The following PHC1 variants were observed in gnomAD, a reference collection of about 807,000 sequenced individuals.
PHC1 encodes polyhomeotic homolog 1.
Under a neutral mutation model 104.3 loss-of-function variants are expected in PHC1, and 12 were observed. The observed-to-expected ratio is 0.12, with a 90% CI of 0.07 to 0.19. The LOEUF (loss-of-function observed/expected upper bound fraction) is 0.19. Ranked by LOEUF, PHC1 falls within the 10% of genes least tolerant of loss-of-function variation. PHC1 has a pLI of 1.00. For missense variants in PHC1, 671 were observed against 1,200.0 expected, an observed-to-expected ratio of 0.56 and a Z score of 6.51; for synonymous variants, 302 against 455.8, an observed-to-expected ratio of 0.66 and a Z score of 4.30.
rs776514414 is a variant in PHC1, at chr12:8,929,010, G to A, written c.613-1425G>A. ...TGCCACCATGAACATTCCTACACATGCCTCCTGTGGTACATGGCAAGAGTT... is the reference window on the plus strand; with the variant it reads ...TGCCACCATGAACATTCCTACACATACCTCCTGTGGTACATGGCAAGAGTT... On this transcript the variant is annotated intron_variant, in intron 6 of 14. Transcript: ENST00000544916. 6.6e-5 allele frequency among the ~76,000 whole-genome samples: 10 copies of A among 152,258 alleles called. No homozygotes were observed. The South Asian group carries it at 1.9e-3, about 28-fold the overall frequency.
intron 8 of PHC1, chr12:8,933,577 A>C (rs910351449): frequency 9.1e-6 from 6 of 658,230 alleles, no homozygotes; most frequent in Non-Finnish European, 1.5e-5. Context: ...AATAAGTTAG[A>C]TCAAGATAGC....
intron 6 of PHC1, among the ~76,000 whole-genome samples, chr12:8,926,926 AT>A (rs1945528968): frequency 6.6e-6 from 1 of 152,166 alleles, no homozygotes; most frequent in Admixed American, 6.5e-5. Flanking sequence ...AAAAAAAAAA[AT>A]GTTTGGGGAG....
upstream of PHC1, among the ~76,000 whole-genome samples, chr12:8,914,296 G>C (rs902989939): frequency 1.3e-5 from 2 of 151,986 alleles, no homozygotes; most frequent in Non-Finnish European, 2.9e-5. Context: ...GAGAAAGAAG[G>C]GGGTAAAAAA....
intron 1 of PHC1, 166 bp downstream of exon 1, chr12:8,914,993 G>A (rs1007274185): frequency 2.0e-5 from 3 of 153,262 alleles, no homozygotes; most frequent in African/African-American, 7.2e-5. Context: ...GGCTCTGCCT[G>A]TCCGAGTCTT....
intron 1 of PHC1, 135 bp from the exon 2 acceptor site, chr12:8,917,495 G>T: frequency 2.3e-6 from 1 of 438,976 alleles, no homozygotes. Flanking sequence ...GGAGTTTTAA[G>T]ATGAGAAATC....
chr12:8,931,991 G>A (rs1945698680), intron 7 of PHC1, among the ~76,000 whole-genome samples: 1 of 152,190 alleles, frequency 6.6e-6, no homozygotes. Context: ...AACTGAGTTA[G>A]GTCAGAGCTG....
At position 8,940,586 on chromosome 12, in the gene PHC1, G is replaced by A. The variant is rs1270670414; in HGVS notation, c.*1127G>A. 1.3e-5 allele frequency: 1 copy of A among 79,164 alleles called. No homozygotes were observed. The allele number at this position is 79,164 out of a possible 1,614,324, so 4.9% of individuals were successfully genotyped here. A position where few individuals can be genotyped will look rare whatever the true frequency, so the allele number is the denominator to read the frequency against. On this transcript the variant is annotated 3_prime_UTR_variant, in exon 15 of 15. Transcript: ENST00000544916. ...TTTTCTTTTCCTAAGGCTTATAAAAGGCCCCCTGCCTGTTGATTCCATCCC... is the reference window on the plus strand; with the variant it reads ...TTTTCTTTTCCTAAGGCTTATAAAAAGCCCCCTGCCTGTTGATTCCATCCC...
intron 6 of PHC1, among the ~76,000 whole-genome samples, chr12:8,927,175 A>G (rs1945538691): frequency 2.0e-5 from 3 of 152,234 alleles, no homozygotes; most frequent in Admixed American, 2.0e-4. Flanking sequence ...TTTCTAATGT[A>G]GAGAGAGAAA....
chr12:8,936,984 C>A lies in PHC1; in HGVS notation c.2477+20C>A. On this transcript the variant is annotated intron_variant, in intron 12 of 14. Coordinates refer to ENST00000544916, the MANE Select transcript of PHC1 (RefSeq NM_004426.3). Reference sequence around the variant, plus strand: ...TAAGAGGTACTCTGGGCACCCTCCTCCTTGCCCTCAGCACTGGTATCTCCA... The same window carrying A: ...TAAGAGGTACTCTGGGCACCCTCCTACTTGCCCTCAGCACTGGTATCTCCA... 6.5e-7 allele frequency: 1 copy of A among 1,548,900 alleles called. No homozygotes were observed. Among genetic ancestry groups the A allele is most frequent in the Non-Finnish European group, 8.9e-7 (1 of 1,121,430 alleles).
At chr12:8,923,948 T>C (rs1252203565) in intron 6 of PHC1, among the ~76,000 whole-genome samples, 5 of 152,028 alleles carry the variant, frequency 3.3e-5, no homozygotes, top group Non-Finnish European at 4.4e-5. Context: ...ACTTACATTG[T>C]ATTAGATATT....
Position 8,921,077 on chromosome 12 carries a change from C to G in PHC1, c.306+12C>G. On this transcript the variant is annotated intron_variant, in intron 4 of 14. Transcript: ENST00000544916. ...CCACCCAGGCCTCGGTGAGTACGCC[C>G]TCTCCCACTGAGAGGCTTCTCTACC... 1 of 1,595,566 alleles carries G rather than the reference C, an allele frequency of 6.3e-7. No homozygotes were observed. Among genetic ancestry groups the G allele is most frequent in the Non-Finnish European group, 8.6e-7 (1 of 1,169,506 alleles).
At chr12:8,936,785 T>G in intron 11 of PHC1, 71 bp from the exon 12 acceptor site, 1 of 962,854 alleles carries the variant, frequency 1.0e-6, no homozygotes, top group East Asian at 2.5e-5. Flanking sequence ...AGAATCCAGC[T>G]CTGAGCCTAA....
In PHC1 at chr12:8,934,395, C is replaced by T. The variant is rs1490145626; in HGVS notation, c.2170C>T (p.Pro724Ser). ...MVSRQMGDSKPPQAIVKPQIL... is the reference protein window; with the variant it reads ...MVSRQMGDSKSPQAIVKPQIL... ...GTCTAGACAAATGGGTGACTCAAAA[C>T]CCCCACAGGCCATCGTGAAGCCCCA... Residue 724 changes from proline to serine, a missense_variant, in exon 10 of 15, where the codon CCC becomes TCC. Pro to Ser is a moderately conservative substitution (Grantham distance 74). Transcript: ENST00000544916. 1.9e-6 allele frequency: 3 copies of T among 1,613,554 alleles called. No homozygotes were observed. The highest frequency in any genetic ancestry group is 2.5e-6 in the Non-Finnish European group (3 of 1,179,518).
At chr12:8,927,975 C>T (rs139474374) in intron 6 of PHC1, among the ~76,000 whole-genome samples, 7 of 139,868 alleles carry the variant, frequency 5.0e-5, no homozygotes, top group East Asian at 4.3e-4. Context: ...GGTGTGATCT[C>T]GGCTCACTGC....
At chr12:8,924,181 A>G (rs1945450150) in intron 6 of PHC1, among the ~76,000 whole-genome samples, 2 of 152,214 alleles carry the variant, frequency 1.3e-5, no homozygotes, top group Non-Finnish European at 2.9e-5. Context: ...TTAGACAATG[A>G]AAGTGCTAAA....
intron 4 of PHC1, 129 bp downstream of exon 4, chr12:8,921,194 G>A (rs771702425): frequency 9.1e-6 from 6 of 658,438 alleles, no homozygotes; most frequent in African/African-American, 9.1e-5. Flanking sequence ...TTTAAGTAGA[G>A]AATAGTAGTA....
At chr12:8,933,823 C>T (rs1945758277) in intron 8 of PHC1, 42 bp from the exon 9 acceptor site, 1 of 1,553,240 alleles carries the variant, frequency 6.4e-7, no homozygotes, top group Admixed American at 1.8e-5. Flanking sequence ...TATTATCCTT[C>T]ATTTGTACAT....
At chr12:8,915,713 T>C (rs1409325326) in intron 1 of PHC1, 2 of 152,178 alleles carry the variant, frequency 1.3e-5, no homozygotes, top group African/African-American at 2.4e-5. Context: ...TTTAATCTTG[T>C]AGTCATAATG....
In PHC1 at chr12:8,936,921, T is replaced by A; in HGVS notation, c.2434T>A (p.Phe812Ile). 2 of 1,613,268 alleles carry A rather than the reference T, an allele frequency of 1.2e-6. No homozygotes were observed. Among genetic ancestry groups the A allele is most frequent in the Non-Finnish European group, 8.5e-7 (1 of 1,179,340 alleles). The change falls in exon 12 of 15, where the codon TTT (phenylalanine) becomes ATT (isoleucine). Residue 812 changes from phenylalanine (F) to isoleucine (I), a missense_variant. Phe to Ile is a conservative substitution (Grantham distance 21). Coordinates refer to ENST00000544916, the MANE Select transcript of PHC1 (RefSeq NM_004426.3). The stretch of plus-strand genomic sequence containing the variant: ...TGGGAAGTACGCCCCCGCAGAGCAG[T>A]TTCGTGGCTCTAAGAGGTTCTGCTC... ...YCGKYAPAEQ[F>I]RGSKRFCSMT...
Sources: gnomAD v4.1 joint callset for allele counts (sites outside exome capture counted in the v4.1 genomes callset) on GRCh38, gnomAD v4.1.1 for gene constraint, MANE v1.5 for transcripts, NCBI Gene and HGNC (gene_info 2026-07-23, HGNC 2026-07-21) for gene names.